GPHN: variants seen among roughly 807,000 people sequenced by gnomAD.
GPHN encodes the protein gephyrin.
In GPHN, 17 loss-of-function variants were observed where a neutral mutation model predicts 95.5. The observed-to-expected ratio is 0.18, with a 90% CI of 0.12 to 0.27. GPHN has a LOEUF of 0.27. Among genes scored for constraint, GPHN ranks in the 10% least tolerant of loss-of-function variants. The pLI, the probability that GPHN is intolerant of heterozygous loss-of-function variation, is 1.00. For synonymous variants in GPHN, 320 were observed against 322.5 expected, an observed-to-expected ratio of 0.99 and a Z score of 0.08; for missense variants, 660 against 978.1, an observed-to-expected ratio of 0.67 and a Z score of 4.34.
chr14:66,859,016 T>C, intron 4 of GPHN, among the ~76,000 whole-genome samples: 1 of 151,994 alleles, frequency 6.6e-6, no homozygotes, highest in South Asian at 2.1e-4. Context: ...ATGTCTAAGG[T>C]TTTTTTTAAT....
chr14:67,111,568 A>C (rs145525309), intron 14 of GPHN, among the ~76,000 whole-genome samples: 22 of 152,178 alleles, frequency 1.4e-4, no homozygotes, highest in African/African-American at 5.1e-4. Context: ...ATTCTATATA[A>C]TGTATTAGTT....
intron 1 of GPHN, among the ~76,000 whole-genome samples, chr14:66,582,094 G>A (rs1390981507): frequency 1.3e-5 from 2 of 152,006 alleles, no homozygotes; most frequent in Admixed American, 6.6e-5. Flanking sequence ...TTTTTCTCGA[G>A]CATTTTGGAA....
intron 15 of GPHN, among the ~76,000 whole-genome samples, chr14:67,112,329 G>A (rs1306724425): frequency 2.6e-5 from 4 of 152,112 alleles, no homozygotes; most frequent in Non-Finnish European, 5.9e-5. Context: ...GGAATAATCT[G>A]TTCCTTGTTA....
At chr14:67,571,482 G>A in the GPHN span, 137 of 382,242 alleles carry the variant, frequency 3.6e-4, 2 homozygotes, top group Middle Eastern at 7.8e-3. Context: ...GGCAAGGAGC[G>A]AGGGTCACAG....
chr14:67,685,337 C>T, the GPHN span: 1 of 652,840 alleles, frequency 1.5e-6, no homozygotes, highest in East Asian at 2.8e-5. Context: ...ATCAGAAGTA[C>T]TGCTCACAGT....
chr14:67,615,784 CT>C, the GPHN span: 6 of 527,222 alleles, frequency 1.1e-5, no homozygotes, highest in South Asian at 2.1e-5. Context: ...CTCCTTCAGC[CT>C]TTTTCTTGTT....
At chr14:67,580,033 T>C in the GPHN span, 3 of 666,112 alleles carry the variant, frequency 4.5e-6, no homozygotes, top group African/African-American at 5.4e-5. Context: ...CATCCTAAAA[T>C]GTACCTGGGC....
intron 10 of GPHN, among the ~76,000 whole-genome samples, chr14:67,026,864 G>A (rs979530399): frequency 6.6e-6 from 1 of 152,056 alleles, no homozygotes; most frequent in African/African-American, 2.4e-5. Context: ...GGATGGTCTC[G>A]ATCTCCTGAC....
the GPHN span, among the ~76,000 whole-genome samples, chr14:67,367,993 T>C: frequency 2.4e-4 from 36 of 152,342 alleles, 1 homozygote; most frequent in South Asian, 3.7e-3. Flanking sequence ...GCCTGTGGGA[T>C]TGTAATCTAT....
chr14:67,689,936 T>A, the GPHN span: 1 of 352,240 alleles, frequency 2.8e-6, no homozygotes, highest in Non-Finnish European at 5.4e-6. Context: ...CAGAGCAAGA[T>A]CCCGTCTCAA....
chr14:66,976,972 A>G (rs1035209971), intron 9 of GPHN, among the ~76,000 whole-genome samples: 1 of 151,982 alleles, frequency 6.6e-6, no homozygotes, highest in Non-Finnish European at 1.5e-5. Flanking sequence ...AAACAACACA[A>G]ATTTTGCAAT....
the GPHN span, among the ~76,000 whole-genome samples, chr14:67,450,938 G>C: frequency 6.6e-6 from 1 of 152,228 alleles, no homozygotes; most frequent in African/African-American, 2.4e-5. Context: ...AGGCCTAGGA[G>C]GAAAAAGTGG....
the GPHN span, among the ~76,000 whole-genome samples, chr14:67,411,164 A>C: frequency 6.6e-6 from 1 of 151,544 alleles, no homozygotes; most frequent in African/African-American, 2.4e-5. Context: ...AAAAAGGTCA[A>C]ATCAGGAAAA....
the GPHN span, chr14:67,646,568 C>G: frequency 8.4e-7 from 1 of 1,192,962 alleles, no homozygotes; most frequent in Non-Finnish European, 1.2e-6. Flanking sequence ...GATTGCATAC[C>G]CACGGACGCA....
chr14:66,782,525 TAGAA>T (rs1186979728), intron 3 of GPHN, among the ~76,000 whole-genome samples: 1 of 152,114 alleles, frequency 6.6e-6, no homozygotes, highest in Non-Finnish European at 1.5e-5. Context: ...AAAATAAACA[TAGAA>T]AGATTCTGGG....
the GPHN span, among the ~76,000 whole-genome samples, chr14:67,457,020 T>C: frequency 6.6e-6 from 1 of 152,192 alleles, no homozygotes; most frequent in African/African-American, 2.4e-5. Flanking sequence ...AGTGAATTAA[T>C]GCCGAAACAG....
At chr14:67,275,314 G>A in the GPHN span, among the ~76,000 whole-genome samples, 1 of 152,144 alleles carries the variant, frequency 6.6e-6, no homozygotes, top group African/African-American at 2.4e-5. Context: ...AGTTTATTGA[G>A]AGTTTTTAGC....
At chr14:66,533,809 G>A (rs956041005) in intron 1 of GPHN, among the ~76,000 whole-genome samples, 1 of 152,150 alleles carries the variant, frequency 6.6e-6, no homozygotes, top group African/African-American at 2.4e-5. Flanking sequence ...TTACAGTTAC[G>A]CCTTAGGTGA....
the GPHN span, chr14:67,690,969 A>C: frequency 1.6e-6 from 1 of 624,214 alleles, no homozygotes; most frequent in Non-Finnish European, 2.9e-6. Flanking sequence ...CAGAACCTGG[A>C]GCAGCCCTCA....
Sources: gnomAD v4.1 joint callset for allele counts (sites outside exome capture counted in the v4.1 genomes callset) on GRCh38, gnomAD v4.1.1 for gene constraint, MANE v1.5 for transcripts, NCBI Gene and HGNC (gene_info 2026-07-23, HGNC 2026-07-21) for gene names.